PAK2: variants seen among roughly 807,000 people sequenced by gnomAD.
The protein encoded by PAK2 is serine/threonine-protein kinase PAK 2.
A neutral mutation model predicts 65.9 loss-of-function variants in PAK2; 21 were observed. The observed-to-expected ratio is 0.32, with a 90% CI of 0.23 to 0.46. The LOEUF (loss-of-function observed/expected upper bound fraction) is 0.46. Ranked by LOEUF, PAK2 falls within the 20% of genes least tolerant of loss-of-function variation. The pLI, the probability that PAK2 is intolerant of heterozygous loss-of-function variation, is 1.00. For missense variants in PAK2, 324 were observed against 642.6 expected (o/e 0.50, Z 5.36); for synonymous variants, 204 against 219.7 (o/e 0.93, Z 0.63).
At chr3:196,812,195 TG>T in intron 8 of PAK2, 23 bp from the exon 9 acceptor site, 1 of 1,414,460 alleles carries the variant, frequency 7.1e-7, no homozygotes, top group Non-Finnish European at 1.0e-6. Context: ...ACCTTAAATC[TG>T]GTTGTGTGTT....
intron 2 of PAK2, among the ~76,000 whole-genome samples, chr3:196,800,891 G>A (rs942565127): frequency 6.6e-6 from 1 of 152,148 alleles, no homozygotes; most frequent in East Asian, 1.9e-4. Flanking sequence ...GGGCAGGAGT[G>A]AAGGGATGTC....
chr3:196,811,219 CCCTCCCTTCCCTTCCCTT>C lies in PAK2; in HGVS notation c.773+570_773+587del, dbSNP rs1560113579. ...CCTTCCTCCCTTCCTTCCCTTCCCT[CCCTCCCTTCCCTTCCCTT>C]CCTTCCCTCCCTCCCCTCCCTCCCT... On this transcript the variant is annotated intron_variant, in intron 8 of 14. Transcript: ENST00000327134. Among the ~76,000 whole-genome samples the C allele has an allele frequency of 3.8e-4, 4 of 10,610 alleles. 1 individual carries two copies. Among genetic ancestry groups the C allele is most frequent in the South Asian group, 3.2e-3 (1 of 308 alleles). 7.0% of individuals were successfully genotyped at this position (10,610 alleles called of 152,430 possible).
At chr3:196,814,359 T>G in intron 10 of PAK2, 92 bp from the exon 11 acceptor site, 1 of 625,226 alleles carries the variant, frequency 1.6e-6, no homozygotes, top group Non-Finnish European at 2.9e-6. Flanking sequence ...GTTTTATTGT[T>G]AGGGTGTTTA....
intron 9 of PAK2, 103 bp from the exon 10 acceptor site, chr3:196,812,636 G>A (rs1046367106): frequency 7.9e-6 from 5 of 635,156 alleles, no homozygotes; most frequent in African/African-American, 7.3e-5. Context: ...TAATAGCATG[G>A]TGTAATACAG....
chr3:196,797,187 A>G (rs898601294), intron 2 of PAK2, among the ~76,000 whole-genome samples: 6 of 152,220 alleles, frequency 3.9e-5, no homozygotes, highest in Non-Finnish European at 7.3e-5. Flanking sequence ...AATGTTGGCC[A>G]GGCACGGTGG....
At chr3:196,801,546 T>C (rs1046092465) in intron 2 of PAK2, among the ~76,000 whole-genome samples, 3 of 152,172 alleles carry the variant, frequency 2.0e-5, no homozygotes, top group African/African-American at 7.2e-5. Flanking sequence ...TTAGGAAAAA[T>C]ATAAACATAA....
chr3:196,809,828 T>G (rs1715716072), intron 7 of PAK2, among the ~76,000 whole-genome samples: 2 of 152,008 alleles, frequency 1.3e-5, no homozygotes, highest in Non-Finnish European at 2.9e-5. Flanking sequence ...TTATGTCAGT[T>G]TCCTTGATAT....
At chr3:196,760,924 T>C (rs544703368) in intron 1 of PAK2, among the ~76,000 whole-genome samples, 1 of 152,188 alleles carries the variant, frequency 6.6e-6, no homozygotes, top group East Asian at 1.9e-4. Context: ...TGCCAGCCAG[T>C]TTATAATCTT....
intron 12 of PAK2, among the ~76,000 whole-genome samples, chr3:196,819,314 C>T (rs143038552): frequency 0.013 from 1,983 of 152,096 alleles, 43 homozygotes; most frequent in African/African-American, 0.045. Flanking sequence ...TGGTGGCAGG[C>T]GCCTCTAGTC....
intron 1 of PAK2, among the ~76,000 whole-genome samples, chr3:196,769,769 A>G (rs1714302864): frequency 6.6e-6 from 1 of 151,930 alleles, no homozygotes; most frequent in Non-Finnish European, 1.5e-5. Flanking sequence ...GTGAGCTGAG[A>G]TCATGCCACT....
intron 2 of PAK2, chr3:196,785,212 AGT>A (rs1392173713): frequency 6.6e-6 from 1 of 152,160 alleles, no homozygotes; most frequent in Non-Finnish European, 1.5e-5. Context: ...ATATAATCAG[AGT>A]GTTGTGCACA....
rs1369514373 is a variant in PAK2 at position 196,811,230 on chromosome 3, CT to C, written c.773+579del. On this transcript the variant is annotated intron_variant, in intron 8 of 14. Transcript: ENST00000327134. ...TCCTTCCCTTCCCTCCCTCCCTTCC[CT>C]TCCCTTCCTTCCCTCCCTCCCCTCC... Among the ~76,000 whole-genome samples the C allele has an allele frequency of 7.4e-3, 51 of 6,910 alleles. 15 individuals are homozygous for C. The highest frequency in any genetic ancestry group is 0.018 in the African/African-American group (39 of 2,180). The allele number at this position is 6,910 out of a possible 152,430, so 4.5% of individuals were successfully genotyped here.
chr3:196,784,732 G>A (rs1324003930), intron 2 of PAK2, among the ~76,000 whole-genome samples: 1 of 150,110 alleles, frequency 6.7e-6, no homozygotes, highest in Non-Finnish European at 1.5e-5. Flanking sequence ...AGTCATTTGG[G>A]TATATACCCA....
At chr3:196,799,332 A>G (rs1323793536) in intron 2 of PAK2, among the ~76,000 whole-genome samples, 2 of 152,190 alleles carry the variant, frequency 1.3e-5, no homozygotes, top group Non-Finnish European at 2.9e-5. Flanking sequence ...AAATCTGATG[A>G]AACAGTGTGC....
chr3:196,819,698 T>A (rs1326646070), intron 12 of PAK2, among the ~76,000 whole-genome samples: 1 of 152,182 alleles, frequency 6.6e-6, no homozygotes, highest in Non-Finnish European at 1.5e-5. Flanking sequence ...ATCCTGACTT[T>A]TCCACTAAAT....
intron 5 of PAK2, among the ~76,000 whole-genome samples, chr3:196,806,048 A>G (rs1251909170): frequency 6.6e-6 from 1 of 151,884 alleles, no homozygotes; most frequent in Non-Finnish European, 1.5e-5. Flanking sequence ...AGTAGCTGGG[A>G]CTACAGGCGC....
At chr3:196,796,404 G>A (rs1715262238) in intron 2 of PAK2, among the ~76,000 whole-genome samples, 1 of 152,188 alleles carries the variant, frequency 6.6e-6, no homozygotes, top group Non-Finnish European at 1.5e-5. Flanking sequence ...AAGTAGATTG[G>A]TGGTTGCCTG....
chr3:196,768,112 G>T (rs1347272209), intron 1 of PAK2, among the ~76,000 whole-genome samples: 2 of 152,014 alleles, frequency 1.3e-5, no homozygotes, highest in Non-Finnish European at 2.9e-5. Context: ...TTTGTCCTCA[G>T]TTCAGATCAT....
At chr3:196,764,008 G>T (rs1025532801) in intron 1 of PAK2, among the ~76,000 whole-genome samples, 16 of 147,992 alleles carry the variant, frequency 1.1e-4, no homozygotes, top group African/African-American at 4.0e-4. Context: ...GGGTTTCACC[G>T]TGTTAGCCAG....
Sources: gnomAD v4.1 joint callset for allele counts (sites outside exome capture counted in the v4.1 genomes callset) on GRCh38, gnomAD v4.1.1 for gene constraint, MANE v1.5 for transcripts, NCBI Gene and HGNC (gene_info 2026-07-23, HGNC 2026-07-21) for gene names.